The following ARL8B variants were observed in gnomAD, a reference collection of about 807,000 sequenced individuals.
ARL8B encodes the protein ADP-ribosylation factor-like protein 8B.
Under a neutral mutation model 30.6 loss-of-function variants are expected in ARL8B, and 9 were observed. The ratio of observed to expected loss-of-function variants is 0.29; its 90% CI spans 0.18 to 0.51. The LOEUF is 0.51. Ranked by LOEUF, ARL8B falls within the 20% of genes least tolerant of loss-of-function variation. ARL8B has a pLI of 0.97. For missense variants in ARL8B, 130 were observed against 227.2 expected, an observed-to-expected ratio of 0.57 and a Z score of 2.75; for synonymous variants, 74 against 76.0, an observed-to-expected ratio of 0.97 and a Z score of 0.14.
At chr3:5,140,257 G>C (rs543458875) in intron 1 of ARL8B, among the ~76,000 whole-genome samples, 1 of 152,114 alleles carries the variant, frequency 6.6e-6, no homozygotes, top group Non-Finnish European at 1.5e-5. Flanking sequence ...GGAGGGACCC[G>C]GTGGGAGATA....
At chr3:5,169,036 T>C (rs1163285664) in intron 1 of ARL8B, among the ~76,000 whole-genome samples, 2 of 152,186 alleles carry the variant, frequency 1.3e-5, no homozygotes, top group African/African-American at 4.8e-5. Context: ...TTCTATGAAA[T>C]GATAATGATA....
At chr3:5,155,614 A>AG (rs1421028616) in intron 1 of ARL8B, among the ~76,000 whole-genome samples, 3 of 151,096 alleles carry the variant, frequency 2.0e-5, no homozygotes, top group Non-Finnish European at 4.4e-5. Context: ...TCTCTGACTC[A>AG]GACTGAATAA....
intron 1 of ARL8B, among the ~76,000 whole-genome samples, chr3:5,133,398 A>G (rs940571087): frequency 1.3e-5 from 2 of 152,186 alleles, no homozygotes; most frequent in East Asian, 3.8e-4. Context: ...GGTCTGGTTG[A>G]GAGACATTGA....
intron 6 of ARL8B, among the ~76,000 whole-genome samples, chr3:5,178,310 T>C (rs2054747901): frequency 6.6e-6 from 1 of 152,112 alleles, no homozygotes; most frequent in South Asian, 2.1e-4. Context: ...TTTCTGTGTA[T>C]TATACTTAAA....
chr3:5,178,004 A>T (rs939220253), intron 6 of ARL8B, among the ~76,000 whole-genome samples: 1 of 152,212 alleles, frequency 6.6e-6, no homozygotes, highest in Non-Finnish European at 1.5e-5. Context: ...ATTTACCCTC[A>T]TCTTTCAGGC....
intron 1 of ARL8B, among the ~76,000 whole-genome samples, chr3:5,124,882 C>T (rs568775426): frequency 2.0e-5 from 3 of 152,290 alleles, no homozygotes; most frequent in Admixed American, 2.0e-4. Context: ...GTAAAACTTG[C>T]TCTTTGACAA....
At chr3:5,155,741 T>C (rs1423383537) in intron 1 of ARL8B, among the ~76,000 whole-genome samples, 4 of 151,546 alleles carry the variant, frequency 2.6e-5, no homozygotes, top group African/African-American at 9.7e-5. Flanking sequence ...TATTGTACTT[T>C]TCAACTCTGA....
intron 6 of ARL8B, among the ~76,000 whole-genome samples, chr3:5,176,820 C>T (rs2054734133): frequency 6.6e-6 from 1 of 152,150 alleles, no homozygotes. Context: ...TTTATTTCTA[C>T]ATCAGTGGTT....
chr3:5,124,413 A>T (rs2054212051), intron 1 of ARL8B, among the ~76,000 whole-genome samples: 2 of 151,662 alleles, frequency 1.3e-5, no homozygotes. Flanking sequence ...GCCTAATACC[A>T]CTAAAATTAA....
At chr3:5,139,969 CA>C (rs1252630966) in intron 1 of ARL8B, among the ~76,000 whole-genome samples, 1 of 149,696 alleles carries the variant, frequency 6.7e-6, no homozygotes, top group Non-Finnish European at 1.5e-5. Context: ...TCTCACTACA[CA>C]AGATGTGATT....
rs958110791 is a variant in ARL8B, at chr3:5,172,926, G to A, written c.372+186G>A. Among the ~76,000 whole-genome samples, 6 of 152,152 alleles carry A rather than the reference G, an allele frequency of 3.9e-5. No individual in the cohort carries two copies. The South Asian group carries it at 8.3e-4, about 21-fold the overall frequency. ...TGCTAAATATGAATCTCATAACCAC[G>A]TATCTACTAAACTACTATGCAGCAG... On this transcript the variant is annotated intron_variant, in intron 4 of 6. Coordinates refer to ENST00000256496, the MANE Select transcript of ARL8B (RefSeq NM_018184.3).
chr3:5,148,381 C>A (rs766268721), intron 1 of ARL8B, among the ~76,000 whole-genome samples: 1 of 152,164 alleles, frequency 6.6e-6, no homozygotes, highest in Non-Finnish European at 1.5e-5. Flanking sequence ...ATCCCTCTTA[C>A]ACTGTTCTAA....
At chr3:5,126,351 T>TA (rs999721243) in intron 1 of ARL8B, among the ~76,000 whole-genome samples, 54 of 152,344 alleles carry the variant, frequency 3.5e-4, no homozygotes, top group African/African-American at 1.2e-3. Flanking sequence ...TATTGAGTAC[T>TA]ATGTGTCACT....
At chr3:5,159,297 CAAAAAAAAA>C (rs56033027) in intron 1 of ARL8B, among the ~76,000 whole-genome samples, 9,301 of 53,094 alleles carry the variant, frequency 0.18, 405 homozygotes, top group East Asian at 0.26. Flanking sequence ...GACTCTGTCT[CAAAAAAAAA>C]AAAAAAAAAA....
rs556708184 is a variant in ARL8B at position 5,170,422 on chromosome 3, C to T, written c.124-81C>T. 217 of 876,274 alleles carry T rather than the reference C, an allele frequency of 2.5e-4. 1 individual carries two copies. The Admixed American group carries it at 3.2e-3, about 13-fold the overall frequency. The allele number at this position is 876,274 out of a possible 1,614,324, so 54.3% of individuals were successfully genotyped here. ...AAAAAAATATTTACTAAAATGGTTA[C>T]AAATGCAATGTTGATATTAGAAGTT... On this transcript the variant is annotated intron_variant, in intron 1 of 6. Transcript: ENST00000256496.
In ARL8B at chr3:5,132,186, A is replaced by C. The variant is rs116975391; in HGVS notation, c.123+9598A>C. ...ACAGGCATGAGCCTGTACTGTGCCTAAGTCCTCCCATCCTTTCTGTAGTAG... is the reference window on the plus strand; with the variant it reads ...ACAGGCATGAGCCTGTACTGTGCCTCAGTCCTCCCATCCTTTCTGTAGTAG... On this transcript the variant is annotated intron_variant, in intron 1 of 6. Transcript: ENST00000256496. 9.8e-4 allele frequency among the ~76,000 whole-genome samples: 149 copies of C among 152,106 alleles called. 2 individuals carry two copies. The East Asian group carries it at 0.01, about 11-fold the overall frequency.
chr3:5,122,373 G>T lies in ARL8B; in HGVS notation c.-93G>T. ...TGTCGCGCCGGGGCACCAAGGAGCC[G>T]TTGGAGGGTCCGGGCGGAGGCCCGC... On this transcript the variant is annotated 5_prime_UTR_variant, in exon 1 of 7. Transcript: ENST00000256496. 1 of 1,582,498 alleles carries T rather than the reference G, an allele frequency of 6.3e-7. No individual in the cohort carries two copies. Among genetic ancestry groups the T allele is most frequent in the Non-Finnish European group, 8.6e-7 (1 of 1,166,136 alleles).
intron 1 of ARL8B, among the ~76,000 whole-genome samples, chr3:5,169,139 A>G (rs1053573707): frequency 6.6e-6 from 1 of 152,168 alleles, no homozygotes; most frequent in Non-Finnish European, 1.5e-5. Context: ...TAAGTGTGCA[A>G]TTCAGTAGTG....
intron 1 of ARL8B, among the ~76,000 whole-genome samples, chr3:5,164,459 A>C (rs1410608952): frequency 6.6e-6 from 1 of 152,212 alleles, no homozygotes; most frequent in Admixed American, 6.5e-5. Context: ...AAGTTGCAGA[A>C]ATAAATGCAT....
Sources: gnomAD v4.1 joint callset for allele counts (sites outside exome capture counted in the v4.1 genomes callset) on GRCh38, gnomAD v4.1.1 for gene constraint, MANE v1.5 for transcripts, NCBI Gene and HGNC (gene_info 2026-07-23, HGNC 2026-07-21) for gene names.